The following PTPRT variants were observed in gnomAD, a reference collection of about 807,000 sequenced individuals.
PTPRT encodes protein tyrosine phosphatase receptor type T.
A neutral mutation model predicts 176.8 loss-of-function variants in PTPRT; 56 were observed. The ratio of observed to expected loss-of-function variants is 0.32; its 90% CI spans 0.26 to 0.40. The LOEUF is 0.40. Ranked by LOEUF, PTPRT falls within the 10% of genes least tolerant of loss-of-function variation. PTPRT has a pLI of 1.00. For synonymous variants in PTPRT, 783 were observed against 739.0 expected, an observed-to-expected ratio of 1.06 and a Z score of -0.96; for missense variants, 1,540 against 1,908.2, an observed-to-expected ratio of 0.81 and a Z score of 3.60.
chr20:42,599,144 G>A (rs1410300241), intron 7 of PTPRT, among the ~76,000 whole-genome samples: 1 of 152,142 alleles, frequency 6.6e-6, no homozygotes, highest in African/African-American at 2.4e-5. Context: ...AGAATTCAGG[G>A]AATAATGGGA....
At chr20:42,311,863 T>C (rs2057636745) in intron 12 of PTPRT, among the ~76,000 whole-genome samples, 2 of 152,252 alleles carry the variant, frequency 1.3e-5, no homozygotes, top group African/African-American at 4.8e-5. Flanking sequence ...AAAAGAACTA[T>C]ACTTTTTAGT....
intron 6 of PTPRT, among the ~76,000 whole-genome samples, chr20:42,681,027 T>A (rs898425125): frequency 1.2e-4 from 18 of 152,232 alleles, no homozygotes; most frequent in Non-Finnish European, 1.8e-4. Context: ...CTTTATTCTT[T>A]CTTTTTTCAG....
chr20:42,261,160 C>A (rs2146963781), intron 13 of PTPRT, among the ~76,000 whole-genome samples: 1 of 152,264 alleles, frequency 6.6e-6, no homozygotes, highest in East Asian at 1.9e-4. Flanking sequence ...GGCCATGGTC[C>A]TTCTGAGACT....
At chr20:42,670,798 C>A (rs1385842572) in intron 7 of PTPRT, among the ~76,000 whole-genome samples, 1 of 152,122 alleles carries the variant, frequency 6.6e-6, no homozygotes, top group African/African-American at 2.4e-5. Context: ...GATTCTGTAA[C>A]TATAATCGGA....
chr20:42,209,659 C>T (rs1305400983), intron 15 of PTPRT, among the ~76,000 whole-genome samples: 1 of 152,116 alleles, frequency 6.6e-6, no homozygotes, highest in Non-Finnish European at 1.5e-5. Flanking sequence ...TAATCAATAG[C>T]TTACCAACCA....
At chr20:42,411,517 C>CAAAAAAAAAAAA (rs10591184) in intron 9 of PTPRT, among the ~76,000 whole-genome samples, 102 of 88,244 alleles carry the variant, frequency 1.2e-3, no homozygotes, top group East Asian at 4.7e-3. Context: ...AACCCTGTCT[C>CAAAAAAAAAAAA]AAAAAAAAAA....
chr20:42,139,544 G>A (rs996035825), intron 18 of PTPRT, among the ~76,000 whole-genome samples: 8 of 152,192 alleles, frequency 5.3e-5, no homozygotes, highest in Admixed American at 2.6e-4. Flanking sequence ...TCAGGAGAAC[G>A]GTGAAGAAGC....
At position 42,888,583 on chromosome 20, in the gene PTPRT, T is replaced by C. The variant is rs140792218; in HGVS notation, c.89-2651A>G. On this transcript the variant is annotated intron_variant, in intron 1 of 30. Coordinates refer to ENST00000373187, the MANE Select transcript of PTPRT (RefSeq NM_007050.6). ...AGCCAATATTAAATCCATGGCAGCA[T>C]AGCTGTAGAGCCCATGCCCATCCTA... Among the ~76,000 whole-genome samples the C allele has an allele frequency of 3.4e-3, 524 of 152,318 alleles. 2 individuals are homozygous for C. Among genetic ancestry groups the C allele is most frequent in the African/African-American group, 0.012 (502 of 41,558 alleles).
intron 15 of PTPRT, among the ~76,000 whole-genome samples, chr20:42,211,642 A>C (rs1466022300): frequency 1.4e-5 from 2 of 147,964 alleles, no homozygotes; most frequent in African/African-American, 5.0e-5. Flanking sequence ...AAAAGTCAGG[A>C]AACAACAGGT....
intron 2 of PTPRT, among the ~76,000 whole-genome samples, chr20:42,880,176 A>G (rs1464784214): frequency 6.6e-6 from 1 of 152,036 alleles, no homozygotes; most frequent in African/African-American, 2.4e-5. Flanking sequence ...CTAGCCTGAG[A>G]AAGCAGCAGC....
intron 7 of PTPRT, among the ~76,000 whole-genome samples, chr20:42,475,776 T>C (rs986506162): frequency 2.0e-5 from 3 of 152,148 alleles, no homozygotes; most frequent in Admixed American, 6.5e-5. Context: ...CCTCTGGAGG[T>C]GTGCATATAC....
chr20:43,151,457 TC>T (rs1274047907), intron 1 of PTPRT, among the ~76,000 whole-genome samples: 3 of 152,168 alleles, frequency 2.0e-5, no homozygotes, highest in Admixed American at 6.5e-5. Context: ...TTTTAGTAAT[TC>T]ATCTGAGAAC....
intron 7 of PTPRT, among the ~76,000 whole-genome samples, chr20:42,667,857 G>A (rs2075342941): frequency 6.6e-6 from 1 of 152,162 alleles, no homozygotes; most frequent in Admixed American, 6.5e-5. Context: ...TGGAGTGAAG[G>A]GCACGCAGGG....
In PTPRT at chr20:42,914,826, C is replaced by T. The variant is rs193100784; in HGVS notation, c.89-28894G>A. Among the ~76,000 whole-genome samples the T allele has an allele frequency of 8.2e-4, 123 of 150,566 alleles. 3 individuals are homozygous for T. Among genetic ancestry groups the T allele is most frequent in the Admixed American group, 7.8e-3 (118 of 15,094 alleles). On this transcript the variant is annotated intron_variant, in intron 1 of 30. Transcript: ENST00000373187. ...TGAGGTGTTAATTGCTGAAGCTGGG[C>T]AATAAGGGCTTATTATGTTATTCTG...
chr20:42,218,485 G>A (rs913568090), intron 15 of PTPRT, among the ~76,000 whole-genome samples: 1 of 152,164 alleles, frequency 6.6e-6, no homozygotes, highest in Non-Finnish European at 1.5e-5. Context: ...TCTTCCACCT[G>A]AATTAGAATG....
chr20:42,967,141 A>T (rs1982343994), intron 1 of PTPRT, among the ~76,000 whole-genome samples: 1 of 152,122 alleles, frequency 6.6e-6, no homozygotes, highest in African/African-American at 2.4e-5. Context: ...ACTTAAAGAC[A>T]CCCTGAGAAC....
intron 1 of PTPRT, among the ~76,000 whole-genome samples, chr20:42,982,118 G>A (rs562939492): frequency 4.6e-5 from 7 of 152,190 alleles, no homozygotes; most frequent in Admixed American, 6.5e-5. Context: ...AGGCACCCTT[G>A]GGAAAGTTTC....
At chr20:42,110,633 AGCG>A in intron 22 of PTPRT, 146 bp from the exon 23 acceptor site, 1 of 764,062 alleles carries the variant, frequency 1.3e-6, no homozygotes, top group Non-Finnish European at 1.9e-6. Context: ...TACTGGATAG[AGCG>A]ATTCTGTAAT....
intron 11 of PTPRT, among the ~76,000 whole-genome samples, chr20:42,343,884 G>A (rs200170132): frequency 5.7e-5 from 6 of 105,940 alleles, no homozygotes; most frequent in African/African-American, 1.1e-4. Context: ...CAACAGCTTG[G>A]CCAAACACAA....
Sources: allele counts gnomAD v4.1 joint callset (sites outside exome capture counted in the v4.1 genomes callset), GRCh38; gene constraint gnomAD v4.1.1; transcripts MANE v1.5; gene names NCBI Gene and HGNC (gene_info 2026-07-23, HGNC 2026-07-21).